The following CTNNA2 variants were observed in gnomAD, a reference collection of about 807,000 sequenced individuals.
CTNNA2 encodes catenin alpha 2, also known as catenin alpha-2.
Under a neutral mutation model 101.0 loss-of-function variants are expected in CTNNA2, and 42 were observed. The observed-to-expected ratio is 0.42, with a 90% CI of 0.32 to 0.54. CTNNA2 has a LOEUF of 0.54. Ranked by LOEUF, CTNNA2 falls within the 20% of genes least tolerant of loss-of-function variation. The pLI is 0.14. For synonymous variants in CTNNA2, 450 were observed against 456.4 expected (o/e 0.99, Z 0.18); for missense variants, 871 against 1,223.1 (o/e 0.71, Z 4.29).
intron 7 of CTNNA2, among the ~76,000 whole-genome samples, chr2:79,943,614 C>T (rs1688302980): frequency 6.6e-6 from 1 of 152,164 alleles, no homozygotes; most frequent in South Asian, 2.1e-4. Context: ...TAAAGTTTTC[C>T]CAAAGCACCA....
chr2:79,843,388 T>C (rs577711533), intron 3 of CTNNA2, among the ~76,000 whole-genome samples: 1 of 152,330 alleles, frequency 6.6e-6, no homozygotes, highest in East Asian at 1.9e-4. Context: ...GCTGGATTCA[T>C]ACCTGGCCTT....
chr2:79,905,238 A>G (rs987023805), intron 6 of CTNNA2, among the ~76,000 whole-genome samples: 1 of 152,228 alleles, frequency 6.6e-6, no homozygotes, highest in Non-Finnish European at 1.5e-5. Context: ...TAAGCAAATA[A>G]GAAAATAGAC....
At chr2:79,204,745 C>G (rs141656025) in intron 2 of CTNNA2, among the ~76,000 whole-genome samples, 1 of 152,196 alleles carries the variant, frequency 6.6e-6, no homozygotes, top group Non-Finnish European at 1.5e-5. Flanking sequence ...CTGTATCCTA[C>G]TTCCAAGATG....
intron 12 of CTNNA2, among the ~76,000 whole-genome samples, chr2:80,557,348 G>T (rs115419527): frequency 1.1e-3 from 163 of 152,254 alleles, no homozygotes; most frequent in African/African-American, 3.8e-3. Context: ...TTATAAAAAG[G>T]TATTTTTTTC....
At position 79,917,079 on chromosome 2, in the gene CTNNA2, AT is replaced by A. The variant is rs142546476; in HGVS notation, c.1056+7285del. Reference sequence around the variant, plus strand: ...CTCAGCCTTATTTATTTATTTATTTATTTATTTTTTTGAGACGGAGTCTTGC... The same window carrying A: ...CTCAGCCTTATTTATTTATTTATTTATTATTTTTTTGAGACGGAGTCTTGC... On this transcript the variant is annotated intron_variant, in intron 7 of 18. Coordinates refer to ENST00000402739, the MANE Select transcript of CTNNA2 (RefSeq NM_001282597.3). 3.7e-3 allele frequency among the ~76,000 whole-genome samples: 236 copies of A among 64,256 alleles called. 3 individuals carry two copies. The East Asian group carries it at 0.14, about 39-fold the overall frequency. 42.2% of individuals were successfully genotyped at this position (64,256 alleles called of 152,430 possible).
intron 7 of CTNNA2, among the ~76,000 whole-genome samples, chr2:80,348,644 G>A (rs1002278376): frequency 6.6e-6 from 1 of 152,116 alleles, no homozygotes; most frequent in African/African-American, 2.4e-5. Flanking sequence ...GTTTATTTTT[G>A]TGTAGCCTTA....
chr2:80,283,567 A>C (rs984612298), intron 7 of CTNNA2, among the ~76,000 whole-genome samples: 1 of 152,152 alleles, frequency 6.6e-6, no homozygotes, highest in Non-Finnish European at 1.5e-5. Flanking sequence ...AATGTGTTTA[A>C]GTTTTCAGTG....
intron 3 of CTNNA2, among the ~76,000 whole-genome samples, chr2:79,344,785 G>T (rs1048527728): frequency 6.8e-6 from 1 of 146,294 alleles, no homozygotes; most frequent in African/African-American, 2.5e-5. Context: ...ACTTTTCTGA[G>T]AATCAATTTC....
chr2:80,423,273 A>T (rs1680696453), intron 9 of CTNNA2, among the ~76,000 whole-genome samples: 1 of 151,970 alleles, frequency 6.6e-6, no homozygotes, highest in African/African-American at 2.4e-5. Flanking sequence ...TAATCATGTC[A>T]TTAATTTCTT....
chr2:79,312,859 A>T (rs1050566095), intron 3 of CTNNA2: 1 of 152,192 alleles, frequency 6.6e-6, no homozygotes, highest in African/African-American at 2.4e-5. Flanking sequence ...AATCACTTTT[A>T]TTGTTTCATC....
chr2:80,522,235 A>G (rs1373632242), intron 9 of CTNNA2, among the ~76,000 whole-genome samples: 1 of 152,158 alleles, frequency 6.6e-6, no homozygotes, highest in Non-Finnish European at 1.5e-5. Flanking sequence ...ATTGGTAGTT[A>G]GTGTGAGCCT....
chr2:79,824,488 G>T (rs914266034), intron 3 of CTNNA2, among the ~76,000 whole-genome samples: 1 of 109,556 alleles, frequency 9.1e-6, no homozygotes, highest in Non-Finnish European at 1.8e-5. Context: ...TTTCCCAGTT[G>T]TCTTTCCAGG....
At chr2:79,871,358 G>A (rs141878677) in intron 5 of CTNNA2, among the ~76,000 whole-genome samples, 2 of 152,274 alleles carry the variant, frequency 1.3e-5, no homozygotes, top group African/African-American at 4.8e-5. Flanking sequence ...TTGTTGAAAG[G>A]GAATCTTGTA....
At chr2:80,412,029 C>T (rs1447979440) in intron 8 of CTNNA2, among the ~76,000 whole-genome samples, 1 of 152,102 alleles carries the variant, frequency 6.6e-6, no homozygotes, top group Non-Finnish European at 1.5e-5. Context: ...TTGTGCTGCA[C>T]CCAGCAACCG....
At chr2:80,216,618 G>A (rs1347546014) in intron 7 of CTNNA2, among the ~76,000 whole-genome samples, 1 of 152,084 alleles carries the variant, frequency 6.6e-6, no homozygotes, top group African/African-American at 2.4e-5. Context: ...GGAGAAGTTG[G>A]TAGTCTGCAG....
At chr2:79,311,408 CAAAAAAAAAAAAA>C (rs753633073) in intron 2 of CTNNA2, among the ~76,000 whole-genome samples, 1 of 67,060 alleles carries the variant, frequency 1.5e-5, no homozygotes, top group African/African-American at 5.3e-5. Context: ...GACTCCGTCT[CAAAAAAAAAAAAA>C]AAAAAAAAAG....
chr2:79,330,611 C>T (rs568595050), intron 3 of CTNNA2, among the ~76,000 whole-genome samples: 15 of 152,138 alleles, frequency 9.9e-5, no homozygotes, highest in Non-Finnish European at 5.9e-5. Flanking sequence ...AGAATTCCCA[C>T]GTGTCATGAG....
chr2:79,598,941 A>G (rs958359269), intron 1 of CTNNA2, among the ~76,000 whole-genome samples: 3 of 152,000 alleles, frequency 2.0e-5, no homozygotes, highest in African/African-American at 7.3e-5. Flanking sequence ...TTTGCATTTT[A>G]TGTTTACATC....
intron 7 of CTNNA2, among the ~76,000 whole-genome samples, chr2:79,916,424 C>T (rs1046794103): frequency 2.0e-5 from 3 of 151,088 alleles, no homozygotes; most frequent in African/African-American, 7.3e-5. Flanking sequence ...GTTCAATGCC[C>T]TCATCTCTAT....
Sources: allele counts gnomAD v4.1 joint callset (sites outside exome capture counted in the v4.1 genomes callset), GRCh38; gene constraint gnomAD v4.1.1; transcripts MANE v1.5; gene names NCBI Gene and HGNC (gene_info 2026-07-23, HGNC 2026-07-21).